Variants in WDR90 observed in about 807,000 individuals in gnomAD.
WDR90 encodes WD repeat domain 90.
A neutral mutation model predicts 195.2 loss-of-function variants in WDR90; 238 were observed. The ratio of observed to expected loss-of-function variants is 1.22; its 90% CI spans 1.10 to 1.36. The LOEUF (loss-of-function observed/expected upper bound fraction) is 1.36, where lower values mean the gene tolerates loss of function less well. Among genes scored for constraint, WDR90 ranks in the 40% most tolerant of loss-of-function variants. The probability of loss-of-function intolerance (pLI) is 0.00; values close to 1 mark genes in which losing one functional copy is unlikely to be tolerated. For synonymous variants in WDR90, 1,265 were observed against 1,052.4 expected (o/e 1.20, Z -3.91); for missense variants, 2,734 against 2,439.5 (o/e 1.12, Z -2.54).
chr16:657,032 G>T, intron 19 of WDR90, 59 bp from the exon 20 acceptor site: 2 of 1,581,072 alleles, frequency 1.3e-6, no homozygotes, highest in South Asian at 2.3e-5. Flanking sequence ...GAGGTCGAGG[G>T]AACCCATGGT....
chr16:667,797 T>C lies in WDR90; in HGVS notation c.*208T>C. On this transcript the variant is annotated 3_prime_UTR_variant, in exon 41 of 41. Transcript: ENST00000293879. ...CTTTTGCCTAAGAAATCTTTAATGTTTCTATCTTGTAATAAACATGGGCAT... is the reference window on the plus strand; with the variant it reads ...CTTTTGCCTAAGAAATCTTTAATGTCTCTATCTTGTAATAAACATGGGCAT... 1 of 703,138 alleles carries C rather than the reference T, an allele frequency of 1.4e-6. No individual in the cohort carries two copies. The highest frequency in any genetic ancestry group is 1.8e-5 in the African/African-American group (1 of 56,494). The allele number at this position is 703,138 out of a possible 1,614,324, so 43.6% of individuals were successfully genotyped here. A position where few individuals can be genotyped will look rare whatever the true frequency, so the allele number is the denominator to read the frequency against.
chr16:666,405 C>G, intron 37 of WDR90, 50 bp from the exon 38 acceptor site: 1 of 1,609,370 alleles, frequency 6.2e-7, no homozygotes, highest in Non-Finnish European at 8.5e-7. Flanking sequence ...TGGGGGCAGG[C>G]ACCATCTTGG....
At position 667,680 on chromosome 16, in the gene WDR90, C is replaced by T. The variant is rs2151424418; in HGVS notation, c.*91C>T. 1 of 1,560,728 alleles carries T rather than the reference C, an allele frequency of 6.4e-7. No individual in the cohort carries two copies. Among genetic ancestry groups the T allele is most frequent in the Non-Finnish European group, 8.7e-7 (1 of 1,155,300 alleles). On this transcript the variant is annotated 3_prime_UTR_variant, in exon 41 of 41. Coordinates refer to ENST00000293879, the MANE Select transcript of WDR90 (RefSeq NM_145294.5). ...GGCAGAGGCGCCAGGTTGTCAATGG[C>T]CTCATGCTGGGACAGGCCAGGATTC...
chr16:657,268 G>A, intron 20 of WDR90, 47 bp downstream of exon 20: 3 of 1,491,796 alleles, frequency 2.0e-6, no homozygotes, highest in Non-Finnish European at 2.7e-6. Flanking sequence ...GGGCGGGGGA[G>A]GCCTGGATCT....
At chr16:652,334 G>T in intron 9 of WDR90, 133 bp from the exon 10 acceptor site, 1 of 1,109,476 alleles carries the variant, frequency 9.0e-7, no homozygotes, top group Non-Finnish European at 1.3e-6. Flanking sequence ...ACAGCCAGCA[G>T]GAGCCACCCA....
Position 655,578 on chromosome 16 carries a change from T to C in WDR90, c.1724T>C (p.Val575Ala). The C allele has an allele frequency of 3.1e-6, 5 of 1,591,730 alleles. No homozygotes were observed. The highest frequency in any genetic ancestry group is 4.3e-6 in the Non-Finnish European group (5 of 1,166,724). The change falls in exon 16 of 41, where the codon GTG becomes GCG. Residue 575 changes from valine to alanine, a missense_variant. Transcript: ENST00000293879. ...CCTGCCGCCTCCTCGGGCAGCTTCG[T>C]GTGCAGCCGCAGTGGCCACATCTTG... Reference protein sequence around the residue: ...CPEPSAAMLFVCSRSGHILEI... With the variant: ...CPEPSAAMLFACSRSGHILEI...
At chr16:654,927 A>G (rs2151210884) in intron 13 of WDR90, 102 bp from the exon 14 acceptor site, 2 of 1,116,968 alleles carry the variant, frequency 1.8e-6, no homozygotes, top group South Asian at 1.3e-5. Flanking sequence ...TGGTCTCCGC[A>G]TGAGAGAAAA....
Position 660,616 on chromosome 16 carries a change from C to G in WDR90, c.3293C>G (p.Thr1098Ser). The G allele has an allele frequency of 6.4e-7, 1 of 1,565,110 alleles. No individual in the cohort carries two copies. Among genetic ancestry groups the G allele is most frequent in the Non-Finnish European group, 8.7e-7 (1 of 1,155,638 alleles). ...TCCGGGTCTCCTTCCTCGCAGGGCA[C>G]TTGCCCGCCTCCCGCCAGCGGTGGG... is the stretch of plus-strand genomic sequence containing the variant. The part of the protein sequence containing the change: ...VSCSPHSAKG[T>S]CPPPASGGWL... The change falls in exon 28 of 41, where the codon ACT (threonine) becomes AGT (serine). Residue 1098 changes from threonine (T) to serine (S), a missense_variant. By Grantham distance (58) the Thr-to-Ser change is moderately conservative. Coordinates refer to ENST00000293879, the MANE Select transcript of WDR90 (RefSeq NM_145294.5).
At chr16:654,898 C>T (rs778026787) in intron 13 of WDR90, 131 bp from the exon 14 acceptor site, 106 of 788,252 alleles carry the variant, frequency 1.3e-4, no homozygotes, top group Non-Finnish European at 1.6e-4. Context: ...CCACTCTCCA[C>T]GGCCGCACGC....
rs2038039656 is a variant in WDR90, at chr16:666,309, C to G, written c.4699C>G (p.Gln1567Glu). 1 of 1,612,758 alleles carries G rather than the reference C, an allele frequency of 6.2e-7. No individual in the cohort carries two copies. Among genetic ancestry groups the G allele is most frequent in the African/African-American group, 1.3e-5 (1 of 75,066 alleles). ...GTTFRVLSDH[Q>E]GAPISTICVT... ...AACCTTCCGTGTGCTGAGTGACCAC[C>G]AGGGCGCCCCAATCTCTACCATCTG... The change falls in exon 37 of 41, where the codon CAG becomes GAG. Residue 1567 changes from glutamine (Q) to glutamate (E), a missense_variant. Transcript: ENST00000293879.
At chr16:656,606 G>A in intron 18 of WDR90, 69 bp downstream of exon 18, 3 of 1,575,600 alleles carry the variant, frequency 1.9e-6, no homozygotes, top group Non-Finnish European at 2.6e-6. Flanking sequence ...TGTCAGCGGG[G>A]GTGAGAGGGG....
At position 661,080 on chromosome 16, in the gene WDR90, G is replaced by A; in HGVS notation, c.3421G>A (p.Val1141Met). ...GFFAYTCGRLVVVEDLHSGAQ... is the reference protein window; with the variant it reads ...GFFAYTCGRLMVVEDLHSGAQ... ...CTTTGCCTACACGTGCGGCCGCCTG[G>A]TGGTGGTGGAGGACCTGCACTCTGG... Residue 1141 changes from valine to methionine, a missense_variant, in exon 29 of 41, where the codon GTG becomes ATG. Val to Met is a conservative substitution (Grantham distance 21). Coordinates refer to ENST00000293879, the MANE Select transcript of WDR90 (RefSeq NM_145294.5). The A allele has an allele frequency of 6.5e-7, 1 of 1,526,836 alleles. No homozygotes were observed. The highest frequency in any genetic ancestry group is 8.7e-7 in the Non-Finnish European group (1 of 1,149,232). 94.6% of individuals were successfully genotyped at this position (1,526,836 alleles called of 1,614,324 possible). A position where few individuals can be genotyped will look rare whatever the true frequency, so the allele number is the denominator to read the frequency against.
At chr16:656,974 C>T (rs2151244745) in intron 19 of WDR90, 103 bp downstream of exon 19, 11 of 1,553,424 alleles carry the variant, frequency 7.1e-6, no homozygotes, top group East Asian at 2.4e-5. Context: ...GCTGGAGCCC[C>T]ACCCTTTGCT....
intron 9 of WDR90, 158 bp downstream of exon 9, chr16:652,197 GA>G: frequency 1.1e-6 from 1 of 946,672 alleles, no homozygotes; most frequent in South Asian, 1.6e-5. Flanking sequence ...CGGCTTTGGG[GA>G]AGAATCTCTG....
In WDR90 at chr16:662,722, G is replaced by A. The variant is rs779938908; in HGVS notation, c.4189G>A (p.Val1397Met). The A allele has an allele frequency of 3.1e-6, 5 of 1,588,204 alleles. No homozygotes were observed. The highest frequency in any genetic ancestry group is 1.1e-5 in the South Asian group (1 of 88,076). The change falls in exon 34 of 41, where the codon GTG becomes ATG. Residue 1397 changes from valine to methionine, a missense_variant. Physicochemically the swap from Val to Met is conservative, Grantham distance 21 (BLOSUM62 1). Coordinates refer to ENST00000293879, the MANE Select transcript of WDR90 (RefSeq NM_145294.5). ...EHELVLDGAVVSASFDDSVDM... is the reference protein window; with the variant it reads ...EHELVLDGAVMSASFDDSVDM... ...CGAGCTGGTGCTGGACGGGGCTGTGGTGAGTGCCAGCTTCGATGACAGCGT... is the reference window on the plus strand; with the variant it reads ...CGAGCTGGTGCTGGACGGGGCTGTGATGAGTGCCAGCTTCGATGACAGCGT...
chr16:649,846 G>C lies in WDR90; in HGVS notation c.94G>C (p.Val32Leu). Residue 32 changes from valine to leucine, a missense_variant, in exon 2 of 41, where the codon GTG (valine) becomes CTG (leucine). Val to Leu is a conservative substitution (Grantham distance 32). Transcript: ENST00000293879. ...KRSAKQGDVA[V>L]VTDKTLKGAV... is the part of the protein sequence containing the mutation. ...CTCCGCCAAGCAGGGGGACGTGGCC[G>C]TGGTCACGGTAGGCGGCCGGGGGCT... The C allele has an allele frequency of 6.3e-7, 1 of 1,581,128 alleles. No individual in the cohort carries two copies. Among genetic ancestry groups the C allele is most frequent in the Non-Finnish European group, 8.6e-7 (1 of 1,163,934 alleles).
Position 661,927 on chromosome 16 carries a change from G to T in WDR90, c.3901G>T (p.Gly1301Ter). 1 of 1,609,828 alleles carries T rather than the reference G, an allele frequency of 6.2e-7. No individual in the cohort carries two copies. The highest frequency in any genetic ancestry group is 8.5e-7 in the Non-Finnish European group (1 of 1,179,830). The change falls in exon 32 of 41, where the codon GGA becomes TGA. Residue 1301 changes from glycine to a stop codon, truncating the protein, a stop_gained. Coordinates refer to ENST00000293879, the MANE Select transcript of WDR90 (RefSeq NM_145294.5). LOFTEE classifies it high-confidence loss of function. ...GCCAGTCCCAGAGGCAGTGGGGGCT[G>T]GAGAGCTGACCTCGCTCTGCTACGG... ...REPVPEAVGAGELTSLCYGAP... is the reference protein window; with the variant it reads ...REPVPEAVGA
chr16:650,189 G>C, intron 3 of WDR90, 22 bp downstream of exon 3: 1 of 1,610,326 alleles, frequency 6.2e-7, no homozygotes. Context: ...GCGGCTGGGG[G>C]CTGCGTGGGA....
chr16:667,337 C>T, intron 40 of WDR90, 95 bp from the exon 41 acceptor site: 1 of 1,483,998 alleles, frequency 6.7e-7, no homozygotes, highest in South Asian at 1.3e-5. Context: ...CCCCGACCAG[C>T]ATCATGCCCA....
Sources: gnomAD v4.1 joint callset for allele counts on GRCh38, gnomAD v4.1.1 for gene constraint, MANE v1.5 for transcripts, NCBI Gene and HGNC (gene_info 2026-07-23, HGNC 2026-07-21) for gene names.